Variants in TVP23A observed in about 807,000 individuals in gnomAD.
The protein encoded by TVP23A is trans-golgi network vesicle protein 23 homolog A, also known as Golgi apparatus membrane protein TVP23 homolog A.
A neutral mutation model predicts 31.7 loss-of-function variants in TVP23A; 21 were observed. The observed-to-expected ratio is 0.66, with a 90% CI of 0.47 to 0.95. TVP23A has a LOEUF of 0.95. Ranked by LOEUF, TVP23A falls within the 40% of genes least tolerant of loss-of-function variation. TVP23A has a pLI of 0.00. For missense variants in TVP23A, 279 were observed against 255.6 expected (o/e 1.09, Z -0.62); for synonymous variants, 104 against 96.0 (o/e 1.08, Z -0.49).
Position 10,816,732 on chromosome 16 carries a change from G to T in TVP23A, c.89+1371C>A, listed in dbSNP as rs528956676. 2.6e-3 allele frequency among the ~76,000 whole-genome samples: 389 copies of T among 152,084 alleles called. 2 individuals carry two copies. The highest frequency in any genetic ancestry group is 9.1e-3 in the African/African-American group (379 of 41,466). On this transcript the variant is annotated intron_variant, in intron 2 of 7. Transcript: ENST00000299866. ...AGTCCTTATAAGAAAGAGGCACGGG[G>T]GAAGTGGGGAGGGATAGCATTAGGT...
At position 10,774,978 on chromosome 16, in the gene TVP23A, G is replaced by C. The variant is rs1302290125; in HGVS notation, c.208C>G (p.Leu70Val). The part of the protein sequence containing the change: ...VGCFVMVLLL[L>V]SLDFWSVKNV... The stretch of plus-strand genomic sequence containing the variant: ...TTCACAGACCAGAAGTCCAGGGACA[G>C]GAGGAGCAGCACCATGACAAAACAG... The change falls in exon 3 of 8, where the codon CTG becomes GTG. Residue 70 changes from leucine (L) to valine (V), a missense_variant. Leu to Val is a conservative substitution (Grantham distance 32). Transcript: ENST00000299866. The C allele has an allele frequency of 8.7e-6, 14 of 1,612,954 alleles. No homozygotes were observed. In the Admixed American group the frequency reaches 2.2e-4, roughly 25 times the overall value.
chr16:10,798,253 G>A (rs184845992), intron 2 of TVP23A, among the ~76,000 whole-genome samples: 45 of 151,954 alleles, frequency 3.0e-4, no homozygotes, highest in East Asian at 1.7e-3. Context: ...GCCCGCGCCC[G>A]GCCTTTTTTT....
At position 10,816,700 on chromosome 16, in the gene TVP23A, A is replaced by C. The variant is rs188434548; in HGVS notation, c.89+1403T>G. On this transcript the variant is annotated intron_variant, in intron 2 of 7. Transcript: ENST00000299866. Reference sequence around the variant, plus strand: ...TTATCTGGGTGGACGCTAAATGCCAACACAATAGTCCTTATAAGAAAGAGG... The same window carrying C: ...TTATCTGGGTGGACGCTAAATGCCACCACAATAGTCCTTATAAGAAAGAGG... Among the ~76,000 whole-genome samples the C allele has an allele frequency of 7.2e-5, 11 of 152,086 alleles. No individual in the cohort carries two copies. The East Asian group carries it at 2.1e-3, about 29-fold the overall frequency.
exon 9 of TVP23A, chr16:10,761,326 C>A (rs749225198): frequency 1.3e-6 from 2 of 1,592,878 alleles, no homozygotes; most frequent in South Asian, 2.2e-5. Flanking sequence ...CTTTCTCGCA[C>A]TTTGATGCTG....
At chr16:10,781,577 G>A (rs956636623) in intron 2 of TVP23A, among the ~76,000 whole-genome samples, 1 of 152,112 alleles carries the variant, frequency 6.6e-6, no homozygotes, top group African/African-American at 2.4e-5. Flanking sequence ...GAGGTCTCAC[G>A]TTGTGCACAG....
At chr16:10,788,914 C>T (rs779262486) in intron 2 of TVP23A, among the ~76,000 whole-genome samples, 1 of 152,232 alleles carries the variant, frequency 6.6e-6, no homozygotes, top group Admixed American at 6.5e-5. Flanking sequence ...AGGTCTCACT[C>T]TGAGCATGGG....
chr16:10,808,730 T>C (rs555227394), intron 2 of TVP23A: 2 of 334,988 alleles, frequency 6.0e-6, no homozygotes, highest in Middle Eastern at 2.1e-3. Context: ...TGAGCCATGA[T>C]TACACCACTG....
intron 2 of TVP23A, among the ~76,000 whole-genome samples, chr16:10,786,854 G>A (rs2032788239): frequency 6.6e-6 from 1 of 152,010 alleles, no homozygotes; most frequent in African/African-American, 2.4e-5. Context: ...CCCTGACTTT[G>A]CATTGAGGCC....
chr16:10,757,969 T>G, downstream of TVP23A: 1 of 1,614,022 alleles, frequency 6.2e-7, no homozygotes, highest in Non-Finnish European at 8.5e-7. This position sits in a 1 kb window ranked among gnomAD's most constrained non-coding sequence, Gnocchi z 4.1. Flanking sequence ...CACCTCTCGG[T>G]CGTCCGGTAC....
At chr16:10,761,817 G>A, downstream of TVP23A, 1 of 1,614,084 alleles carries the variant, frequency 6.2e-7, no homozygotes, top group South Asian at 1.1e-5. Context: ...CCAGGACTTG[G>A]AGGTCCCTCT....
Position 10,774,087 on chromosome 16 carries a change from G to T in TVP23A, c.276C>A (p.Asn92Lys). ...GRLLVGLRWW[N>K]QIDEDGKSHW... ...GGCTCTTCCCATCTTCATCTATCTG[G>T]TTCCACCATCGAAGGCCCACCAGGA... The change falls in exon 4 of 8, where the codon AAC (asparagine) becomes AAA (lysine). Residue 92 changes from asparagine to lysine, a missense_variant. Physicochemically the swap from Asn to Lys is moderately conservative, Grantham distance 94. Coordinates refer to ENST00000299866, the MANE Select transcript of TVP23A (RefSeq NM_001079512.4). 1 of 1,611,996 alleles carries T rather than the reference G, an allele frequency of 6.2e-7. No individual in the cohort carries two copies. The highest frequency in any genetic ancestry group is 8.5e-7 in the Non-Finnish European group (1 of 1,179,164).
At chr16:10,766,233 T>C (rs1209799844), downstream of TVP23A, 2 of 152,324 alleles carry the variant, frequency 1.3e-5, no homozygotes, top group Non-Finnish European at 2.9e-5. This position sits in a 1 kb window ranked among gnomAD's most constrained non-coding sequence, Gnocchi z 4.8. Flanking sequence ...TCATTTCCGC[T>C]CTCAGCCTCG....
chr16:10,810,312 G>A (rs1014532911), intron 2 of TVP23A, among the ~76,000 whole-genome samples: 4 of 152,106 alleles, frequency 2.6e-5, no homozygotes, highest in African/African-American at 9.7e-5. Flanking sequence ...ACTTTGAGAG[G>A]CCAAGGTGGG....
At chr16:10,815,233 T>TAAAAC (rs1410633429) in intron 2 of TVP23A, among the ~76,000 whole-genome samples, 2 of 151,928 alleles carry the variant, frequency 1.3e-5, no homozygotes, top group Admixed American at 1.3e-4. Flanking sequence ...CCATCTCTAC[T>TAAAAC]AAAACAAAAC....
intron 2 of TVP23A, among the ~76,000 whole-genome samples, chr16:10,781,112 T>C (rs1340395458): frequency 6.6e-6 from 1 of 151,988 alleles, no homozygotes; most frequent in Non-Finnish European, 1.5e-5. Context: ...GCAGATTACT[T>C]GAGGTCAGGA....
At chr16:10,817,978 A>T (rs906633149) in intron 2 of TVP23A, 125 bp downstream of exon 2, 2 of 814,828 alleles carry the variant, frequency 2.5e-6, no homozygotes, top group Non-Finnish European at 4.0e-6. Context: ...ATGTGTCCAC[A>T]GATATGTCCC....
Position 10,761,328 on chromosome 16 carries a change from T to C in TVP23A, c.*447A>G, listed in dbSNP as rs770830312. ...GCACAGACATTCCCTTTCTCGCACT[T>C]TGATGCTGGAATCACTGGTCTTTTC... On this transcript the variant is annotated 3_prime_UTR_variant and NMD_transcript_variant, in exon 9 of 9. Transcript: ENST00000456096. 3.8e-6 allele frequency: 6 copies of C among 1,594,782 alleles called. No individual in the cohort carries two copies. In the Admixed American group the frequency reaches 5.0e-5, roughly 13 times the overall value.
At chr16:10,758,137 G>A, downstream of TVP23A, 2 of 1,270,888 alleles carry the variant, frequency 1.6e-6, no homozygotes, top group Non-Finnish European at 2.2e-6. Flanking sequence ...CCCAGTGTGT[G>A]TTCCGCAGCT....
At chr16:10,764,948 G>A, downstream of TVP23A, 1 of 181,026 alleles carries the variant, frequency 5.5e-6, no homozygotes. Flanking sequence ...CTGCTGTCGA[G>A]GAAAGCTGGG....
Sources: gnomAD v4.1 joint callset for allele counts (sites outside exome capture counted in the v4.1 genomes callset) on GRCh38, gnomAD v4.1.1 for gene constraint, Gnocchi (gnomAD v3.1) non-coding constraint, MANE v1.5 for transcripts, NCBI Gene and HGNC (gene_info 2026-07-23, HGNC 2026-07-21) for gene names.